Variants in HERC3 observed in about 807,000 individuals in gnomAD.
HERC3 encodes HECT and RLD domain containing E3 ubiquitin protein ligase 3.
In HERC3, 58 loss-of-function variants were observed where a neutral mutation model predicts 129.9. The ratio of observed to expected loss-of-function variants is 0.45; its 90% CI spans 0.36 to 0.56. HERC3 has a LOEUF of 0.56. Ranked by LOEUF, HERC3 falls within the 20% of genes least tolerant of loss-of-function variation. HERC3 has a pLI of 0.00. For synonymous variants in HERC3, 430 were observed against 451.0 expected (o/e 0.95, Z 0.59); for missense variants, 835 against 1,244.2 (o/e 0.67, Z 4.95).
chr4:88,654,387 T>TACAC (rs1553937176), intron 7 of HERC3, among the ~76,000 whole-genome samples: 71 of 94,298 alleles, frequency 7.5e-4, no homozygotes, highest in African/African-American at 2.1e-3. Context: ...TATATATATA[T>TACAC]ACACACACAC....
At chr4:88,672,384 T>C (rs760133755) in intron 16 of HERC3, among the ~76,000 whole-genome samples, 3 of 152,194 alleles carry the variant, frequency 2.0e-5, no homozygotes, top group Non-Finnish European at 4.4e-5. Flanking sequence ...ATATGGAAAA[T>C]TACATGAAAT....
chr4:88,557,828 G>A, the HERC3 span, among the ~76,000 whole-genome samples: 2 of 151,778 alleles, frequency 1.3e-5, no homozygotes, highest in Admixed American at 6.6e-5. Context: ...AGGCTGAGGC[G>A]GGCAGATCAC....
chr4:88,546,327 C>T, the HERC3 span, among the ~76,000 whole-genome samples: 1 of 152,156 alleles, frequency 6.6e-6, no homozygotes, highest in Non-Finnish European at 1.5e-5. Context: ...CACTGCACCT[C>T]TGTTGGTCAA....
chr4:88,672,102 G>A lies in HERC3; in HGVS notation c.1911+1850G>A, dbSNP rs906934801. Among the ~76,000 whole-genome samples the A allele has an allele frequency of 2.6e-5, 4 of 152,120 alleles. No homozygotes were observed. In the South Asian group the frequency reaches 6.2e-4, roughly 24 times the overall value. On this transcript the variant is annotated intron_variant, in intron 16 of 25. Transcript: ENST00000402738. Reference sequence around the variant, plus strand: ...TTTTCCACTAATTTCATTAGTAGCAGTAAAAGTCAATTCTTCTGATTTCTA... The same window carrying A: ...TTTTCCACTAATTTCATTAGTAGCAATAAAAGTCAATTCTTCTGATTTCTA...
chr4:88,665,898 G>A (rs901999643), intron 12 of HERC3, among the ~76,000 whole-genome samples: 1 of 152,282 alleles, frequency 6.6e-6, no homozygotes, highest in South Asian at 2.1e-4. Context: ...TTCCAGAACA[G>A]GGGTTCTCAA....
the HERC3 span, among the ~76,000 whole-genome samples, chr4:88,586,079 G>A: frequency 6.6e-6 from 1 of 152,132 alleles, no homozygotes; most frequent in African/African-American, 2.4e-5. Flanking sequence ...TTACTTTACT[G>A]ATATAATCAA....
In HERC3 at chr4:88,669,952, A is replaced by G; in HGVS notation, c.1726A>G (p.Thr576Ala). The change falls in exon 15 of 26, where the codon ACA becomes GCA. Residue 576 changes from threonine (T) to alanine (A), a missense_variant. Coordinates refer to ENST00000402738, the MANE Select transcript of HERC3 (RefSeq NM_014606.3). ...AVLYLLRGRK[T>A]FLIPVLFNNY... is the part of the protein sequence containing the mutation. ...CCTTTATCTACTGAGGGGAAGAAAG[A>G]CATTCTTAATTCCCGTACTGTTTAA... The G allele has an allele frequency of 6.2e-7, 1 of 1,613,830 alleles. No homozygotes were observed. The highest frequency in any genetic ancestry group is 8.5e-7 in the Non-Finnish European group (1 of 1,179,750).
the HERC3 span, among the ~76,000 whole-genome samples, chr4:88,567,440 T>G: frequency 1.3e-5 from 2 of 152,224 alleles, no homozygotes; most frequent in Non-Finnish European, 2.9e-5. Flanking sequence ...TCAGACCATT[T>G]TCTACATCTT....
intron 13 of HERC3, 40 bp downstream of exon 13, chr4:88,667,528 AT>A: frequency 9.2e-7 from 1 of 1,091,580 alleles, no homozygotes; most frequent in Non-Finnish European, 1.4e-6. Context: ...TTAAAAATGC[AT>A]TTTTGTATCG....
chr4:88,616,717 G>A (rs1331460372), intron 3 of HERC3, among the ~76,000 whole-genome samples: 3 of 152,114 alleles, frequency 2.0e-5, no homozygotes, highest in South Asian at 2.1e-4. Context: ...TGTATTAGTC[G>A]CTATGCTTGC....
chr4:88,682,553 A>G lies in HERC3; in HGVS notation c.2507+1228A>G, dbSNP rs977195134. ...TGTTCTCATTGTTCAATTCCCACCT[A>G]TGAGTGAGAACATGCAGTGTTTGGT... On this transcript the variant is annotated intron_variant, in intron 21 of 25. Transcript: ENST00000402738. Among the ~76,000 whole-genome samples the G allele has an allele frequency of 2.2e-5, 3 of 138,336 alleles. No homozygotes were observed. In the Admixed American group the frequency reaches 2.6e-4, roughly 12 times the overall value. The allele number at this position is 138,336 out of a possible 152,430, so 90.8% of individuals were successfully genotyped here.
the HERC3 span, chr4:88,583,878 G>A: frequency 6.6e-6 from 1 of 152,218 alleles, no homozygotes; most frequent in Admixed American, 6.5e-5. Flanking sequence ...AGCTCTCAGA[G>A]GAAGGGAACT....
chr4:88,668,103 T>A (rs751736205), intron 14 of HERC3, 22 bp downstream of exon 14: 2 of 1,589,344 alleles, frequency 1.3e-6, no homozygotes. Context: ...AACCTCGATA[T>A]CAGTGGTTTT....
chr4:88,587,542 A>C (rs1323400651), upstream of HERC3, among the ~76,000 whole-genome samples: 6 of 152,250 alleles, frequency 3.9e-5, no homozygotes, highest in African/African-American at 1.4e-4. Context: ...TGCTGTGTTT[A>C]CAGATTTTTA....
At position 88,652,412 on chromosome 4, in the gene HERC3, A is replaced by C. The variant is rs76267494; in HGVS notation, c.463+324A>C. Among the ~76,000 whole-genome samples, 1,078 of 152,316 alleles carry C rather than the reference A, an allele frequency of 7.1e-3. 12 individuals are homozygous for C. Among genetic ancestry groups the C allele is most frequent in the African/African-American group, 0.025 (1,022 of 41,558 alleles). ...GCCAACTCTCAAGCTACATTCCACT[A>C]TCAAGCTCCCAAATGAATGAAAAAG... On this transcript the variant is annotated intron_variant, in intron 5 of 25. Coordinates refer to ENST00000402738, the MANE Select transcript of HERC3 (RefSeq NM_014606.3).
At chr4:88,642,669 C>T (rs1032628628) in intron 3 of HERC3, among the ~76,000 whole-genome samples, 9 of 152,154 alleles carry the variant, frequency 5.9e-5, no homozygotes, top group African/African-American at 1.9e-4. Context: ...GCTAGCCAGC[C>T]CTCTATGGTC....
At chr4:88,643,897 T>A (rs1019438179) in intron 3 of HERC3, among the ~76,000 whole-genome samples, 1 of 152,196 alleles carries the variant, frequency 6.6e-6, no homozygotes, top group Non-Finnish European at 1.5e-5. Flanking sequence ...TAAAGTAGAC[T>A]TATCTATGAG....
upstream of HERC3, among the ~76,000 whole-genome samples, chr4:88,592,061 AC>A (rs1721743724): frequency 6.6e-6 from 1 of 151,596 alleles, no homozygotes; most frequent in African/African-American, 2.4e-5. Flanking sequence ...CTCAATTGTC[AC>A]CCTCCAGCTT....
intron 23 of HERC3, chr4:88,693,715 G>A (rs1734307989): frequency 1.0e-6 from 1 of 982,104 alleles, no homozygotes; most frequent in South Asian, 4.7e-5. Context: ...ACATTCTCAG[G>A]CAGAGAGAGC....
Sources: allele counts gnomAD v4.1 joint callset (sites outside exome capture counted in the v4.1 genomes callset), GRCh38; gene constraint gnomAD v4.1.1; transcripts MANE v1.5; gene names NCBI Gene and HGNC (gene_info 2026-07-23, HGNC 2026-07-21).